Variants in NAV3 observed in about 807,000 individuals in gnomAD.
NAV3 encodes neuron navigator 3.
A neutral mutation model predicts 244.7 loss-of-function variants in NAV3; 87 were observed. The observed-to-expected ratio is 0.36, with a 90% CI of 0.30 to 0.42. The LOEUF (loss-of-function observed/expected upper bound fraction) is 0.42, where lower values mean the gene tolerates loss of function less well. NAV3 is among the 20% of genes least tolerant of loss of function. The pLI, the probability that NAV3 is intolerant of heterozygous loss-of-function variation, is 1.00. For missense variants in NAV3, 2,663 were observed against 2,893.3 expected (o/e 0.92, Z 1.83); for synonymous variants, 1,126 against 1,042.2 (o/e 1.08, Z -1.55).
At chr12:78,044,517 T>G (rs1293997638) in intron 9 of NAV3, among the ~76,000 whole-genome samples, 1 of 152,226 alleles carries the variant, frequency 6.6e-6, no homozygotes, top group African/African-American at 2.4e-5. Context: ...TAAATTACTT[T>G]GGGCAGTATG....
intron 2 of NAV3, among the ~76,000 whole-genome samples, chr12:77,799,546 T>C (rs997863152): frequency 6.6e-5 from 10 of 152,250 alleles, no homozygotes; most frequent in African/African-American, 9.6e-5. Flanking sequence ...ATTATGCTAA[T>C]GATGGTGATT....
intron 2 of NAV3, among the ~76,000 whole-genome samples, chr12:77,812,443 C>T (rs60440982): frequency 6.6e-6 from 1 of 151,648 alleles, no homozygotes; most frequent in East Asian, 1.9e-4. Context: ...GACAGTCTCA[C>T]TCTGTTGCCC....
chr12:77,950,013 C>A (rs1890726677), intron 3 of NAV3, among the ~76,000 whole-genome samples: 1 of 152,058 alleles, frequency 6.6e-6, no homozygotes, highest in Non-Finnish European at 1.5e-5. Context: ...CTTTTAAGTG[C>A]TGAATAGCAT....
At position 77,951,189 on chromosome 12, in the gene NAV3, C is replaced by T. The variant is rs575353737; in HGVS notation, c.414+10056C>T. ...TACTCATCTGACAAAGGGCTAATATCCAGAATCTACAAAGAACTCAAACAA... is the reference window on the plus strand; with the variant it reads ...TACTCATCTGACAAAGGGCTAATATTCAGAATCTACAAAGAACTCAAACAA... On this transcript the variant is annotated intron_variant, in intron 3 of 39. Coordinates refer to ENST00000397909, the MANE Select transcript of NAV3 (RefSeq NM_001024383.2). Among the ~76,000 whole-genome samples, 3 of 152,246 alleles carry T rather than the reference C, an allele frequency of 2.0e-5. No individual in the cohort carries two copies. The South Asian group carries it at 6.2e-4, about 32-fold the overall frequency.
chr12:77,967,228 C>A (rs1388671386), intron 4 of NAV3, among the ~76,000 whole-genome samples: 1 of 151,996 alleles, frequency 6.6e-6, no homozygotes, highest in Non-Finnish European at 1.5e-5. Flanking sequence ...TATTGATTTT[C>A]ATTCATCTTT....
chr12:77,838,764 T>G (rs1458907134), intron 1 of NAV3, among the ~76,000 whole-genome samples: 1 of 152,218 alleles, frequency 6.6e-6, no homozygotes, highest in Non-Finnish European at 1.5e-5. Flanking sequence ...GTGGTATAAT[T>G]AAAAGAATAT....
chr12:78,165,027 T>C (rs950152931), intron 23 of NAV3, among the ~76,000 whole-genome samples: 1 of 152,072 alleles, frequency 6.6e-6, no homozygotes, highest in Non-Finnish European at 1.5e-5. Context: ...TGGAAGCATT[T>C]CAAGCCTGAC....
intron 12 of NAV3, among the ~76,000 whole-genome samples, chr12:78,084,087 T>C (rs1953500289): frequency 6.6e-6 from 1 of 152,228 alleles, no homozygotes; most frequent in African/African-American, 2.4e-5. Context: ...TCATGACTAG[T>C]AATCTCAAGT....
chr12:77,812,404 C>CTT (rs921867230), intron 2 of NAV3, among the ~76,000 whole-genome samples: 2 of 146,936 alleles, frequency 1.4e-5, no homozygotes, highest in African/African-American at 5.0e-5. Flanking sequence ...TCATTTCTTT[C>CTT]TTTTTTTTTT....
At chr12:78,086,410 A>G (rs968124595) in intron 12 of NAV3, among the ~76,000 whole-genome samples, 1 of 152,080 alleles carries the variant, frequency 6.6e-6, no homozygotes, top group Non-Finnish European at 1.5e-5. Flanking sequence ...ATTATAAAAC[A>G]TATGCAGCAT....
At chr12:78,034,327 A>G (rs141016365) in intron 9 of NAV3, among the ~76,000 whole-genome samples, 30 of 152,342 alleles carry the variant, frequency 2.0e-4, no homozygotes, top group African/African-American at 7.2e-4. Flanking sequence ...TAATCTCAGC[A>G]TAGTAGTTCT....
intron 2 of NAV3, among the ~76,000 whole-genome samples, chr12:77,717,236 C>T (rs1876402379): frequency 6.6e-6 from 1 of 151,954 alleles, no homozygotes; most frequent in African/African-American, 2.4e-5. Flanking sequence ...CTTTTTCTTC[C>T]TGCATGACCA....
At chr12:77,960,822 A>T (rs111219514) in intron 3 of NAV3, among the ~76,000 whole-genome samples, 1 of 146,900 alleles carries the variant, frequency 6.8e-6, no homozygotes, top group African/African-American at 2.5e-5. Flanking sequence ...AAATGCATAC[A>T]TGTATGGTAT....
intron 17 of NAV3, 32 bp from the exon 18 acceptor site, chr12:78,128,674 T>C: frequency 2.5e-6 from 4 of 1,596,806 alleles, no homozygotes; most frequent in Non-Finnish European, 3.4e-6. Context: ...CTTGTAGATG[T>C]GCTTAAGTGT....
chr12:77,922,439 A>G (rs928684726), intron 1 of NAV3, among the ~76,000 whole-genome samples: 9 of 151,962 alleles, frequency 5.9e-5, no homozygotes, highest in Middle Eastern at 3.4e-3. Context: ...CCACTACTCT[A>G]TTTTTGGGAA....
At chr12:77,935,841 AAGAG>A (rs768465973) in intron 1 of NAV3, among the ~76,000 whole-genome samples, 3 of 152,146 alleles carry the variant, frequency 2.0e-5, no homozygotes, top group Non-Finnish European at 4.4e-5. Context: ...GAGCCAGAGG[AAGAG>A]AGAGAGCCAA....
intron 2 of NAV3, among the ~76,000 whole-genome samples, chr12:77,727,999 A>G (rs187035170): frequency 6.6e-6 from 1 of 151,586 alleles, no homozygotes; most frequent in Non-Finnish European, 1.5e-5. Context: ...TTTTTTTTTT[A>G]GATGTTTTAA....
intron 3 of NAV3, among the ~76,000 whole-genome samples, chr12:77,952,651 T>G (rs1172281329): frequency 1.3e-5 from 2 of 152,134 alleles, no homozygotes; most frequent in Non-Finnish European, 2.9e-5. Context: ...AATAACTTCC[T>G]GGATTTTGAT....
chr12:77,604,257 CTT>C (rs1404904532), intron 2 of NAV3, among the ~76,000 whole-genome samples: 1 of 151,846 alleles, frequency 6.6e-6, no homozygotes, highest in South Asian at 2.1e-4. Flanking sequence ...AGACTGGATA[CTT>C]TTTTTTCTAG....
Sources: allele counts gnomAD v4.1 joint callset (sites outside exome capture counted in the v4.1 genomes callset), GRCh38; gene constraint gnomAD v4.1.1; transcripts MANE v1.5; gene names NCBI Gene and HGNC (gene_info 2026-07-23, HGNC 2026-07-21).